Variants in NEURL1 observed in about 807,000 individuals in gnomAD.
NEURL1 encodes neuralized E3 ubiquitin protein ligase 1, also known as E3 ubiquitin-protein ligase NEURL1.
A neutral mutation model predicts 41.2 loss-of-function variants in NEURL1; 26 were observed. The observed-to-expected ratio is 0.63, with a 90% CI of 0.46 to 0.87. The LOEUF is 0.87. Among genes scored for constraint, NEURL1 ranks in the 40% least tolerant of loss-of-function variants. The pLI is 0.00. For missense variants in NEURL1, 761 were observed against 871.1 expected, an observed-to-expected ratio of 0.87 and a Z score of 1.59; for synonymous variants, 400 against 402.3, an observed-to-expected ratio of 0.99 and a Z score of 0.07.
chr10:103,584,853 C>A lies in NEURL1; in HGVS notation c.967C>A (p.Arg323Ser). ...GCGCGTGGAGCACGGGCGCGACGAGCGCGCGCTCGTCTTCACCAGCCGGCC... is the reference window on the plus strand; with the variant it reads ...GCGCGTGGAGCACGGGCGCGACGAGAGCGCGCTCGTCTTCACCAGCCGGCC... ...VARVEHGRDERALVFTSRPVR... is the reference protein window; with the variant it reads ...VARVEHGRDESALVFTSRPVR... The change falls in exon 4 of 6, where the codon CGC becomes AGC. Residue 323 changes from arginine to serine, a missense_variant. Arg to Ser is a moderately radical substitution (Grantham distance 110, BLOSUM62 -1). Around this residue, in one of 5 missense-constraint regions of NEURL1, gnomAD observed 443 missense variants for 408.1 expected, o/e 1.09. Transcript: ENST00000369780. 7.2e-7 allele frequency: 1 copy of A among 1,389,936 alleles called. No individual in the cohort carries two copies. The allele number at this position is 1,389,936 out of a possible 1,614,324, so 86.1% of individuals were successfully genotyped here. A position where few individuals can be genotyped will look rare whatever the true frequency, so the allele number is the denominator to read the frequency against.
rs187538240 is a variant in NEURL1 at position 103,588,100 on chromosome 10, C to T, written c.1340-1414C>T. On this transcript the variant is annotated intron_variant, in intron 4 of 5. Coordinates refer to ENST00000369780, the MANE Select transcript of NEURL1 (RefSeq NM_004210.5). Reference sequence around the variant, plus strand: ...CGGGTGGATCACAAGGTCAGGAGATCGAGACCACCCTGGTTAACATGATGA... The same window carrying T: ...CGGGTGGATCACAAGGTCAGGAGATTGAGACCACCCTGGTTAACATGATGA... Among the ~76,000 whole-genome samples the T allele has an allele frequency of 2.0e-3, 306 of 151,698 alleles. 1 individual carries two copies. The highest frequency in any genetic ancestry group is 6.9e-3 in the African/African-American group (285 of 41,320).
chr10:103,535,248 G>T (rs1428152014), intron 1 of NEURL1, among the ~76,000 whole-genome samples: 3 of 152,146 alleles, frequency 2.0e-5, no homozygotes, highest in Non-Finnish European at 2.9e-5. Context: ...ACTCCCCAGG[G>T]AGAGGGGTAT....
At chr10:103,510,958 C>A (rs2034054873) in intron 1 of NEURL1, among the ~76,000 whole-genome samples, 1 of 152,172 alleles carries the variant, frequency 6.6e-6, no homozygotes, top group Non-Finnish European at 1.5e-5. Flanking sequence ...CGCTGTTTCC[C>A]ATTTCCACTG....
intron 1 of NEURL1, among the ~76,000 whole-genome samples, chr10:103,502,143 G>A (rs1185849480): frequency 6.6e-6 from 1 of 152,212 alleles, no homozygotes; most frequent in African/African-American, 2.4e-5. Flanking sequence ...CACTGAGCTA[G>A]GAAAGAGCAG....
chr10:103,560,580 C>T (rs1357670481), intron 1 of NEURL1, among the ~76,000 whole-genome samples: 2 of 152,194 alleles, frequency 1.3e-5, no homozygotes, highest in Non-Finnish European at 1.5e-5. Flanking sequence ...TTCCAGGGAG[C>T]AGCAGGACCT....
rs1447097128 is a variant in NEURL1, at chr10:103,558,851, A to T, written c.86-12021A>T. ...CTTCAATGCTCCCTCAGGGCAAGGA[A>T]GGGACCCCTTGCTGACGGCTGATGT... is the stretch of plus-strand genomic sequence containing the variant. On this transcript the variant is annotated intron_variant, in intron 1 of 5. Transcript: ENST00000369780. The surrounding 1 kb of genome is among the most constrained non-coding windows in gnomAD (Gnocchi z 4.2). Among the ~76,000 whole-genome samples, 1 of 152,028 alleles carries T rather than the reference A, an allele frequency of 6.6e-6. No homozygotes were observed. The highest frequency in any genetic ancestry group is 2.4e-5 in the African/African-American group (1 of 41,380).
intron 1 of NEURL1, among the ~76,000 whole-genome samples, chr10:103,515,699 C>G (rs549979288): frequency 3.1e-4 from 47 of 152,308 alleles, no homozygotes; most frequent in African/African-American, 1.1e-3. Context: ...AACCAGATGA[C>G]GAATGAACTA....
intron 1 of NEURL1, among the ~76,000 whole-genome samples, chr10:103,540,298 T>A (rs55833902): frequency 0.2 from 30,359 of 151,748 alleles, 3,162 homozygotes; most frequent in Non-Finnish European, 0.22. Context: ...ACTTTTTTTT[T>A]AAATTTTTTG....
chr10:103,589,507 T>G lies in NEURL1; in HGVS notation c.1340-7T>G. On this transcript the variant is annotated splice_region_variant and splice_polypyrimidine_tract_variant and intron_variant, in intron 4 of 5. Transcript: ENST00000369780. ...TAGTGTGTCCTTCCCTCCCTCCCCTTTCACAGGCTCCACTATCCTGGCCGA... is the reference window on the plus strand; with the variant it reads ...TAGTGTGTCCTTCCCTCCCTCCCCTGTCACAGGCTCCACTATCCTGGCCGA... The G allele has an allele frequency of 6.3e-7, 1 of 1,591,214 alleles. No individual in the cohort carries two copies. Among genetic ancestry groups the G allele is most frequent in the Non-Finnish European group, 8.6e-7 (1 of 1,167,092 alleles).
At chr10:103,520,512 G>A in intron 1 of NEURL1, among the ~76,000 whole-genome samples, 1 of 152,164 alleles carries the variant, frequency 6.6e-6, no homozygotes, top group East Asian at 1.9e-4. Context: ...ATGGTGGAAT[G>A]TCATCAGTTA....
At chr10:103,559,898 G>GCA (rs769551877) in intron 1 of NEURL1, among the ~76,000 whole-genome samples, 108 of 151,668 alleles carry the variant, frequency 7.1e-4, no homozygotes, top group African/African-American at 2.4e-3. Context: ...ACACATGCAT[G>GCA]CACACACACA....
intron 1 of NEURL1, among the ~76,000 whole-genome samples, chr10:103,547,236 G>A (rs1161825468): frequency 6.6e-6 from 1 of 152,240 alleles, no homozygotes; most frequent in Non-Finnish European, 1.5e-5. Context: ...CACCTCTACT[G>A]TGAAGCCCCT....
chr10:103,580,979 G>A (rs2035772976), intron 3 of NEURL1, among the ~76,000 whole-genome samples: 2 of 152,150 alleles, frequency 1.3e-5, no homozygotes. Flanking sequence ...CATCATGACT[G>A]ATGTGAAATC....
rs1269893192 is a variant in NEURL1 at position 103,545,926 on chromosome 10, G to A, written c.86-24946G>A. On this transcript the variant is annotated intron_variant, in intron 1 of 5. Coordinates refer to ENST00000369780, the MANE Select transcript of NEURL1 (RefSeq NM_004210.5). The surrounding 1 kb of genome is among the most constrained non-coding windows in gnomAD (Gnocchi z 4.5). ...GCAGGTGGGTGCCTAGGTGCATGAC[G>A]GGGACTCTGGCAAAGTAGGATGGTG... Among the ~76,000 whole-genome samples the A allele has an allele frequency of 2.0e-5, 3 of 152,134 alleles. No homozygotes were observed. Among genetic ancestry groups the A allele is most frequent in the Non-Finnish European group, 2.9e-5 (2 of 68,026 alleles).
chr10:103,509,264 C>T (rs990028250), intron 1 of NEURL1, among the ~76,000 whole-genome samples: 2 of 150,466 alleles, frequency 1.3e-5, no homozygotes, highest in African/African-American at 2.4e-5. Flanking sequence ...AGAAAGAAAC[C>T]AAATACAGTT....
chr10:103,502,312 CA>C (rs983266790), intron 1 of NEURL1, among the ~76,000 whole-genome samples: 7 of 152,154 alleles, frequency 4.6e-5, no homozygotes, highest in African/African-American at 1.4e-4. Context: ...ATGGCTTAAA[CA>C]ATGGAAATGC....
Position 103,589,500 on chromosome 10 carries a change from C to G in NEURL1, c.1340-14C>G. The stretch of plus-strand genomic sequence containing the variant: ...AGGCAGCTAGTGTGTCCTTCCCTCC[C>G]TCCCCTTTCACAGGCTCCACTATCC... On this transcript the variant is annotated splice_polypyrimidine_tract_variant and intron_variant, in intron 4 of 5. Coordinates refer to ENST00000369780, the MANE Select transcript of NEURL1 (RefSeq NM_004210.5). The G allele has an allele frequency of 1.3e-6, 2 of 1,583,768 alleles. No homozygotes were observed. Among genetic ancestry groups the G allele is most frequent in the Non-Finnish European group, 8.6e-7 (1 of 1,163,028 alleles).
chr10:103,518,136 C>T (rs1036142104), intron 1 of NEURL1, among the ~76,000 whole-genome samples: 6 of 152,070 alleles, frequency 3.9e-5, no homozygotes, highest in Non-Finnish European at 8.8e-5. Flanking sequence ...ACTTACTGCC[C>T]ACACAGTTTC....
intron 1 of NEURL1, among the ~76,000 whole-genome samples, chr10:103,505,840 GC>G (rs2033934041): frequency 6.6e-6 from 1 of 152,178 alleles, no homozygotes; most frequent in Non-Finnish European, 1.5e-5. Context: ...AGCCCTCCTG[GC>G]CAAGGAACTT....
Sources: gnomAD v4.1 joint callset for allele counts (sites outside exome capture counted in the v4.1 genomes callset) on GRCh38, gnomAD v4.1.1 for gene constraint, gnomAD v4.1.1 regional missense constraint, Gnocchi (gnomAD v3.1) non-coding constraint, MANE v1.5 for transcripts, NCBI Gene and HGNC (gene_info 2026-07-23, HGNC 2026-07-21) for gene names.